Variants in PRKCZ observed in about 807,000 individuals in gnomAD.
PRKCZ encodes protein kinase C zeta type.
In PRKCZ, 33 loss-of-function variants were observed where a neutral mutation model predicts 79.5. The ratio of observed to expected loss-of-function variants is 0.41; its 90% confidence interval spans 0.31 to 0.55. The LOEUF (loss-of-function observed/expected upper bound fraction) is 0.55, where lower values mean the gene tolerates loss of function less well. PRKCZ is among the 20% of genes least tolerant of loss of function. PRKCZ has a pLI of 0.19. For missense variants in PRKCZ, 578 were observed against 813.5 expected, an observed-to-expected ratio of 0.71 and a Z score of 3.52; for synonymous variants, 342 against 320.9, an observed-to-expected ratio of 1.07 and a Z score of -0.70.
intron 4 of PRKCZ, among the ~76,000 whole-genome samples, chr1:2,129,835 C>T (rs1674620263): frequency 6.6e-6 from 1 of 152,334 alleles, no homozygotes; most frequent in Non-Finnish European, 1.5e-5. Context: ...AGGTTCTCCA[C>T]AGCCTTTGCA....
At chr1:2,134,630 A>G (rs751210894) in intron 4 of PRKCZ, among the ~76,000 whole-genome samples, 7 of 152,162 alleles carry the variant, frequency 4.6e-5, no homozygotes, top group Admixed American at 1.3e-4. Context: ...TGCGAATGGA[A>G]ACGGGTGCAC....
intron 11 of PRKCZ, among the ~76,000 whole-genome samples, chr1:2,171,170 T>C (rs917372275): frequency 1.3e-5 from 2 of 151,732 alleles, no homozygotes; most frequent in African/African-American, 4.8e-5. Flanking sequence ...AGTGAAACCC[T>C]GTCTCTACTA....
intron 1 of PRKCZ, among the ~76,000 whole-genome samples, chr1:2,054,903 C>T (rs913106404): frequency 2.0e-5 from 3 of 150,988 alleles, no homozygotes; most frequent in Non-Finnish European, 4.4e-5. Context: ...CCAGGTAGGT[C>T]GCGCTTTTTT....
intron 4 of PRKCZ, chr1:2,074,735 G>A (rs965749219): frequency 1.5e-5 from 3 of 202,376 alleles, no homozygotes; most frequent in Non-Finnish European, 3.0e-5. Flanking sequence ...GCGGGGCTGC[G>A]GCGTCCTGTT....
chr1:2,052,197 C>G (rs920238155), intron 1 of PRKCZ, among the ~76,000 whole-genome samples: 9 of 152,108 alleles, frequency 5.9e-5, no homozygotes, highest in Admixed American at 2.6e-4. Flanking sequence ...GGGCCCAGAC[C>G]CTCCTGCATT....
chr1:2,130,239 C>T (rs1283162104), intron 4 of PRKCZ, among the ~76,000 whole-genome samples: 1 of 152,228 alleles, frequency 6.6e-6, no homozygotes, highest in Non-Finnish European at 1.5e-5. Flanking sequence ...GGCTGCCCTG[C>T]TGTCCGTTAT....
intron 4 of PRKCZ, among the ~76,000 whole-genome samples, chr1:2,115,446 G>C (rs1207009170): frequency 1.3e-5 from 2 of 152,240 alleles, no homozygotes; most frequent in Non-Finnish European, 2.9e-5. Flanking sequence ...CTGTGTTTCT[G>C]CCTCCAGTTA....
At position 2,178,613 on chromosome 1, in the gene PRKCZ, C is replaced by G. The variant is rs1319225110; in HGVS notation, c.1575+3300C>G. 6.6e-6 allele frequency among the ~76,000 whole-genome samples: 1 copy of G among 152,198 alleles called. No individual in the cohort carries two copies. On this transcript the variant is annotated intron_variant, in intron 16 of 17. Coordinates refer to ENST00000378567, the MANE Select transcript of PRKCZ (RefSeq NM_002744.6). This position sits in a 1 kb window ranked among gnomAD's most constrained non-coding sequence, Gnocchi z 4.3. The stretch of plus-strand genomic sequence containing the variant: ...AGGGCGCAGTTGCAGGTCCGGTGGT[C>G]TCAGTCTAGCCTTTCAGGGGGGCCA...
intron 11 of PRKCZ, among the ~76,000 whole-genome samples, chr1:2,170,089 G>T (rs1355014818): frequency 6.6e-6 from 1 of 152,120 alleles, no homozygotes; most frequent in East Asian, 1.9e-4. Flanking sequence ...TGGTGGCTCT[G>T]CCCTGGTTCT....
intron 10 of PRKCZ, among the ~76,000 whole-genome samples, chr1:2,158,577 C>T (rs1267377725): frequency 3.3e-5 from 5 of 152,222 alleles, no homozygotes; most frequent in Non-Finnish European, 7.3e-5. Context: ...TTTGGGAATA[C>T]GCCCAGGGGA....
chr1:2,138,380 T>G (rs926764336), intron 5 of PRKCZ, among the ~76,000 whole-genome samples: 2 of 152,084 alleles, frequency 1.3e-5, no homozygotes, highest in Non-Finnish European at 2.9e-5. Flanking sequence ...CCAGCGAGGT[T>G]CTGAAGAAGG....
chr1:2,179,642 G>A (rs1032788369), intron 16 of PRKCZ, among the ~76,000 whole-genome samples: 11 of 152,222 alleles, frequency 7.2e-5, no homozygotes, highest in Non-Finnish European at 4.4e-5. Flanking sequence ...AAACGTTTGC[G>A]TGGTGACAGC....
intron 5 of PRKCZ, 103 bp downstream of exon 5, chr1:2,135,450 CTTTTT>C: frequency 9.2e-7 from 1 of 1,090,870 alleles, no homozygotes; most frequent in Non-Finnish European, 1.3e-6. Flanking sequence ...AGGCTGGGCT[CTTTTT>C]GGCGCCCGAG....
intron 4 of PRKCZ, among the ~76,000 whole-genome samples, chr1:2,084,105 G>A (rs991887250): frequency 3.3e-5 from 5 of 152,190 alleles, no homozygotes; most frequent in African/African-American, 9.6e-5. Context: ...GCATGGTGGC[G>A]GATGCCTGTA....
In PRKCZ at chr1:2,060,269, G is replaced by A. The variant is rs967621025; in HGVS notation, c.334+678G>A. The stretch of plus-strand genomic sequence containing the variant: ...CCGCTGCCTGTCCAGCGCAGGGCAC[G>A]TGGCTCAGTGCCCTTCAGGCAGGGC... On this transcript the variant is annotated intron_variant, in intron 4 of 17. Coordinates refer to ENST00000378567, the MANE Select transcript of PRKCZ (RefSeq NM_002744.6). Among the ~76,000 whole-genome samples, 6 of 152,368 alleles carry A rather than the reference G, an allele frequency of 3.9e-5. No individual in the cohort carries two copies. The South Asian group carries it at 8.3e-4, about 21-fold the overall frequency.
intron 4 of PRKCZ, among the ~76,000 whole-genome samples, chr1:2,067,684 G>A (rs541264111): frequency 3.3e-5 from 5 of 152,262 alleles, no homozygotes; most frequent in South Asian, 2.1e-4. Context: ...CCCCTCTCCC[G>A]CTTGTTTCTC....
chr1:2,078,773 C>T (rs1571208137), intron 4 of PRKCZ, among the ~76,000 whole-genome samples: 2 of 152,114 alleles, frequency 1.3e-5, no homozygotes, highest in East Asian at 3.9e-4. Context: ...CTGTCCAAAC[C>T]ATCTGTTAAG....
At chr1:2,061,762 C>A (rs13303064) in intron 4 of PRKCZ, among the ~76,000 whole-genome samples, 20,005 of 152,146 alleles carry the variant, frequency 0.13, 1,425 homozygotes, top group South Asian at 0.17. Flanking sequence ...GAACACACTG[C>A]CCACTCGGGG....
At chr1:2,156,560 A>G (rs979354203) in intron 10 of PRKCZ, 98 of 195,130 alleles carry the variant, frequency 5.0e-4, no homozygotes, top group African/African-American at 2.1e-3. Context: ...TTGAAGAGTT[A>G]TTAAGTATGT....
Sources: allele counts gnomAD v4.1 joint callset (sites outside exome capture counted in the v4.1 genomes callset), GRCh38; gene constraint gnomAD v4.1.1; non-coding constraint Gnocchi (gnomAD v3.1); transcripts MANE v1.5; gene names NCBI Gene and HGNC (gene_info 2026-07-23, HGNC 2026-07-21).